The following PITPNC1 variants were observed in gnomAD, a reference collection of about 807,000 sequenced individuals.
PITPNC1 encodes the protein cytoplasmic phosphatidylinositol transfer protein 1.
Under a neutral mutation model 44.7 loss-of-function variants are expected in PITPNC1, and 18 were observed. The observed-to-expected ratio is 0.40, with a 90% CI of 0.28 to 0.60. The LOEUF (loss-of-function observed/expected upper bound fraction) is 0.60. Ranked by LOEUF, PITPNC1 falls within the 20% of genes least tolerant of loss-of-function variation. PITPNC1 has a pLI of 0.39. For synonymous variants in PITPNC1, 141 were observed against 149.6 expected, an observed-to-expected ratio of 0.94 and a Z score of 0.42; for missense variants, 290 against 418.4, an observed-to-expected ratio of 0.69 and a Z score of 2.68.
At chr17:67,381,259 C>T (rs906645432) in intron 1 of PITPNC1, among the ~76,000 whole-genome samples, 3 of 137,136 alleles carry the variant, frequency 2.2e-5, no homozygotes, top group East Asian at 2.6e-4. Context: ...ACCTGGGAGG[C>T]GGAGCTTGCA....
At chr17:67,539,519 G>A (rs2040574987) in intron 2 of PITPNC1, among the ~76,000 whole-genome samples, 1 of 152,120 alleles carries the variant, frequency 6.6e-6, no homozygotes, top group Non-Finnish European at 1.5e-5. Flanking sequence ...AATGCACATC[G>A]TAACGTGCAA....
At chr17:67,590,711 C>G (rs1233605408) in intron 5 of PITPNC1, among the ~76,000 whole-genome samples, 2 of 151,968 alleles carry the variant, frequency 1.3e-5, no homozygotes, top group Admixed American at 1.3e-4. Flanking sequence ...ACCTGTAATC[C>G]CAGCACTTTA....
At chr17:67,410,511 G>A (rs1399805710) in intron 1 of PITPNC1, among the ~76,000 whole-genome samples, 3 of 152,116 alleles carry the variant, frequency 2.0e-5, no homozygotes, top group Admixed American at 2.0e-4. Context: ...AGCCTCCTGA[G>A]TAGCTGGGAC....
intron 1 of PITPNC1, among the ~76,000 whole-genome samples, chr17:67,427,233 C>T (rs1004812217): frequency 6.6e-5 from 10 of 152,170 alleles, no homozygotes; most frequent in Middle Eastern, 3.4e-3. Context: ...TTTTTTGAGA[C>T]AGAGTCTCGC....
intron 1 of PITPNC1, among the ~76,000 whole-genome samples, chr17:67,450,359 G>C (rs563199491): frequency 1.4e-5 from 2 of 142,308 alleles, no homozygotes; most frequent in Admixed American, 1.5e-4. Flanking sequence ...TCCTGAAGGT[G>C]CACGGGAGAC....
chr17:67,692,474 G>A (rs2042946372), intron 8 of PITPNC1, 98 bp from the exon 9 acceptor site: 1 of 827,168 alleles, frequency 1.2e-6, no homozygotes, highest in East Asian at 2.4e-5. Flanking sequence ...CTTTATGATA[G>A]GGTTCCCATA....
At chr17:67,385,341 G>T (rs2038026134) in intron 1 of PITPNC1, among the ~76,000 whole-genome samples, 1 of 152,174 alleles carries the variant, frequency 6.6e-6, no homozygotes, top group African/African-American at 2.4e-5. Context: ...CTAGCTAGAG[G>T]TTTGTAAAAT....
rs543713325 is a variant in PITPNC1 at position 67,434,147 on chromosome 17, T to G, written c.48+55945T>G. ...AGATGTTAGGAAGTCAAGAGCCCAGTGCCTAGAACCTGGGCTGCAGACGGG... is the reference window on the plus strand; with the variant it reads ...AGATGTTAGGAAGTCAAGAGCCCAGGGCCTAGAACCTGGGCTGCAGACGGG... On this transcript the variant is annotated intron_variant, in intron 1 of 8. Coordinates refer to ENST00000581322, the MANE Select transcript of PITPNC1 (RefSeq NM_012417.4). Among the ~76,000 whole-genome samples the G allele has an allele frequency of 2.0e-5, 3 of 152,226 alleles. No homozygotes were observed. The East Asian group carries it at 5.8e-4, about 29-fold the overall frequency.
intron 1 of PITPNC1, among the ~76,000 whole-genome samples, chr17:67,382,749 C>T (rs1051574161): frequency 3.3e-5 from 5 of 150,252 alleles, no homozygotes; most frequent in African/African-American, 1.2e-4. Flanking sequence ...CTCAGCCTCC[C>T]GAGTAGCTGG....
At chr17:67,632,821 G>T (rs2041988336) in intron 6 of PITPNC1, among the ~76,000 whole-genome samples, 1 of 151,998 alleles carries the variant, frequency 6.6e-6, no homozygotes, top group Non-Finnish European at 1.5e-5. Context: ...GCCCACCTTG[G>T]CCTCCCAAAG....
rs562222182 is a variant in PITPNC1, at chr17:67,577,160, C to T, written c.295-1026C>T. ...AATCCGCCAGGCATGGTGTCACACA[C>T]CTATAGCTGTAGTCCCAGCTACCTG... On this transcript the variant is annotated intron_variant, in intron 4 of 8. Coordinates refer to ENST00000581322, the MANE Select transcript of PITPNC1 (RefSeq NM_012417.4). Among the ~76,000 whole-genome samples the T allele has an allele frequency of 3.9e-5, 6 of 152,148 alleles. No individual in the cohort carries two copies. The South Asian group carries it at 1.0e-3, about 26-fold the overall frequency.
At chr17:67,463,447 T>C (rs2039374383) in intron 1 of PITPNC1, among the ~76,000 whole-genome samples, 1 of 152,226 alleles carries the variant, frequency 6.6e-6, no homozygotes, top group African/African-American at 2.4e-5. Context: ...AAACAGGATG[T>C]CATCTCCGTG....
chr17:67,574,736 C>G (rs1266874965), intron 4 of PITPNC1, among the ~76,000 whole-genome samples: 1 of 152,068 alleles, frequency 6.6e-6, no homozygotes, highest in Non-Finnish European at 1.5e-5. Context: ...GATTTTAACT[C>G]AAGACACCCG....
At chr17:67,504,174 C>T (rs1191713089) in intron 1 of PITPNC1, among the ~76,000 whole-genome samples, 2 of 151,986 alleles carry the variant, frequency 1.3e-5, no homozygotes, top group South Asian at 2.1e-4. Flanking sequence ...GCTTTCTGAG[C>T]CCCAACATCT....
intron 5 of PITPNC1, among the ~76,000 whole-genome samples, chr17:67,581,553 AC>A (rs1040564765): frequency 7.3e-5 from 11 of 151,670 alleles, no homozygotes; most frequent in African/African-American, 2.7e-4. Flanking sequence ...CCCAGTTGCC[AC>A]CCCCTGCCCC....
chr17:67,456,558 C>T (rs542964600), intron 1 of PITPNC1, among the ~76,000 whole-genome samples: 1 of 151,894 alleles, frequency 6.6e-6, no homozygotes, highest in Non-Finnish European at 1.5e-5. Context: ...TCTCTACTAG[C>T]TTTGTTATCC....
intron 1 of PITPNC1, among the ~76,000 whole-genome samples, chr17:67,441,690 G>T (rs778206460): frequency 1.3e-5 from 2 of 152,134 alleles, no homozygotes; most frequent in African/African-American, 2.4e-5. Context: ...AAATTAGATG[G>T]GGAAAAGTGA....
At chr17:67,665,191 C>T (rs1426669232) in intron 6 of PITPNC1, among the ~76,000 whole-genome samples, 4 of 152,090 alleles carry the variant, frequency 2.6e-5, no homozygotes, top group Non-Finnish European at 4.4e-5. Flanking sequence ...TTCCTGGGCT[C>T]GAGTGATCCT....
intron 5 of PITPNC1, among the ~76,000 whole-genome samples, chr17:67,602,499 A>G (rs926070621): frequency 6.6e-6 from 1 of 152,172 alleles, no homozygotes; most frequent in Non-Finnish European, 1.5e-5. Flanking sequence ...CTGGGCCTAT[A>G]GTGTTGATGG....
Sources: gnomAD v4.1 joint callset for allele counts (sites outside exome capture counted in the v4.1 genomes callset) on GRCh38, gnomAD v4.1.1 for gene constraint, MANE v1.5 for transcripts, NCBI Gene and HGNC (gene_info 2026-07-23, HGNC 2026-07-21) for gene names.